Variants in PDZD2 observed in about 807,000 individuals in gnomAD.
PDZD2 encodes the protein PDZ domain containing 2.
PDZD2 carries 90 observed loss-of-function variants against 220.7 expected under a neutral mutation model. The ratio of observed to expected loss-of-function variants is 0.41; its 90% CI spans 0.34 to 0.49. PDZD2 has a LOEUF of 0.49. PDZD2 is among the 20% of genes least tolerant of loss of function. PDZD2 has a pLI of 0.28. For synonymous variants in PDZD2, 1,375 were observed against 1,450.5 expected (o/e 0.95, Z 1.18); for missense variants, 3,174 against 3,608.5 (o/e 0.88, Z 3.08).
chr5:32,028,576 A>G (rs760419141), intron 6 of PDZD2, among the ~76,000 whole-genome samples: 9 of 152,000 alleles, frequency 5.9e-5, no homozygotes, highest in Non-Finnish European at 1.0e-4. Flanking sequence ...TCTCAACTTA[A>G]ATTTCCTTGA....
At position 32,087,675 on chromosome 5, in the gene PDZD2, T is replaced by C. The variant is rs762522067; in HGVS notation, c.4227T>C (p.His1409=). The change falls in exon 20 of 25, where the codon CAT becomes CAC. Residue 1409 remains histidine (H), a synonymous_variant. Transcript: ENST00000438447. The surrounding 1 kb of genome is among the most constrained non-coding windows in gnomAD (Gnocchi z 4.0). The stretch of plus-strand genomic sequence containing the variant: ...ACAACACCAAAGAAGCATGTGGCCA[T>C]GTCTCGGGGCACTGCTGCCCAGGGG... The part of the protein sequence containing the change: ...STDNTKEACG[H]VSGHCCPGGS... 2 of 1,614,060 alleles carry C rather than the reference T, an allele frequency of 1.2e-6. No homozygotes were observed. The highest frequency in any genetic ancestry group is 1.7e-6 in the Non-Finnish European group (2 of 1,180,034).
intron 17 of PDZD2, among the ~76,000 whole-genome samples, chr5:32,072,644 T>G (rs1484927375): frequency 6.6e-6 from 1 of 152,102 alleles, no homozygotes; most frequent in Non-Finnish European, 1.5e-5. Flanking sequence ...GTGGGGAGAA[T>G]TGCTTGAACC....
intron 1 of PDZD2, among the ~76,000 whole-genome samples, chr5:31,737,550 C>T (rs1178184489): frequency 6.6e-6 from 1 of 152,172 alleles, no homozygotes; most frequent in Non-Finnish European, 1.5e-5. Context: ...TGTACATATC[C>T]TCAAGAGATG....
At chr5:31,779,233 A>G (rs1328726108) in intron 1 of PDZD2, among the ~76,000 whole-genome samples, 3 of 152,134 alleles carry the variant, frequency 2.0e-5, no homozygotes, top group Non-Finnish European at 2.9e-5. Context: ...TTGCATCAAC[A>G]TACCACCTGC....
chr5:32,073,364 G>A (rs903574443), intron 17 of PDZD2, among the ~76,000 whole-genome samples: 7 of 152,134 alleles, frequency 4.6e-5, no homozygotes, highest in Admixed American at 6.6e-5. Flanking sequence ...AAGCACTCAC[G>A]TGCCTGTCAA....
In PDZD2 at chr5:31,799,664, G is replaced by A. The variant is rs1029396347; in HGVS notation, c.416G>A (p.Arg139Gln). The A allele has an allele frequency of 1.5e-5, 24 of 1,613,958 alleles. No homozygotes were observed. Among genetic ancestry groups the A allele is most frequent in the African/African-American group, 2.7e-5 (2 of 74,910 alleles). ...PAGKSGKVRLRDEILSLNGQL... is the reference protein window; with the variant it reads ...PAGKSGKVRLQDEILSLNGQL... The stretch of plus-strand genomic sequence containing the variant: ...GGGAAGAGTGGGAAGGTCCGACTGC[G>A]GGATGAGATCCTCTCACTGAATGGG... Residue 139 changes from arginine to glutamine, a missense_variant, in exon 2 of 25, where the codon CGG (arginine) becomes CAG (glutamine). This residue lies in a region of PDZD2 where 632 missense variants were observed against 708.1 expected (regional missense o/e 0.89). Transcript: ENST00000438447.
chr5:31,742,595 C>G (rs1345199945), intron 1 of PDZD2, among the ~76,000 whole-genome samples: 1 of 137,230 alleles, frequency 7.3e-6, no homozygotes, highest in East Asian at 2.4e-4. Flanking sequence ...TGGTCTTGAA[C>G]AGCTGAGGCT....
At chr5:31,666,750 A>G (rs1398551714) in intron 1 of PDZD2, among the ~76,000 whole-genome samples, 6 of 152,216 alleles carry the variant, frequency 3.9e-5, no homozygotes, top group Non-Finnish European at 8.8e-5. Context: ...TGTGAGCGTA[A>G]TGATAAATGC....
Position 32,087,454 on chromosome 5 carries a change from G to C in PDZD2, c.4006G>C (p.Ala1336Pro). Residue 1336 changes from alanine to proline, a missense_variant, in exon 20 of 25, where the codon GCT (alanine) becomes CCT (proline). By Grantham distance (27) the Ala-to-Pro change is conservative. Transcript: ENST00000438447. This position sits in a 1 kb window ranked among gnomAD's most constrained non-coding sequence, Gnocchi z 4.0. ...ACCTGGAGCAGAGGGAATGACACCAGCTGGTGCTGTCCTGCCAGGAGACCC... is the reference window on the plus strand; with the variant it reads ...ACCTGGAGCAGAGGGAATGACACCACCTGGTGCTGTCCTGCCAGGAGACCC... ...AGPGAEGMTP[A>P]GAVLPGDPLT... 6.2e-7 allele frequency: 1 copy of C among 1,614,080 alleles called. No individual in the cohort carries two copies. The highest frequency in any genetic ancestry group is 8.5e-7 in the Non-Finnish European group (1 of 1,179,966).
At chr5:32,003,935 C>G (rs904046761) in intron 5 of PDZD2, among the ~76,000 whole-genome samples, 1 of 152,164 alleles carries the variant, frequency 6.6e-6, no homozygotes, top group South Asian at 2.1e-4. Flanking sequence ...TGGTCTTAAA[C>G]TCCTGACCTC....
intron 2 of PDZD2, chr5:31,923,282 T>G: frequency 1.8e-6 from 1 of 566,144 alleles, no homozygotes. Flanking sequence ...AATAGATAAG[T>G]AAAAATAAAA....
At chr5:31,837,613 A>G (rs553412739) in intron 2 of PDZD2, among the ~76,000 whole-genome samples, 1 of 152,114 alleles carries the variant, frequency 6.6e-6, no homozygotes, top group East Asian at 1.9e-4. Context: ...AATCCGAGCT[A>G]CTCGGGAGGC....
chr5:32,101,203 G>A lies in PDZD2; in HGVS notation c.8317G>A (p.Gly2773Arg), dbSNP rs1744228574. ...GGATGGGGGAAAATCATCGGTGACGGGAGATGGGCCCTTGGTCATTAAAAG... is the reference window on the plus strand; with the variant it reads ...GGATGGGGGAAAATCATCGGTGACGAGAGATGGGCCCTTGGTCATTAAAAG... ...SLDGGKSSVT[G>R]DGPLVIKRVY... Residue 2773 changes from glycine (G) to arginine (R), a missense_variant, in exon 24 of 25, where the codon GGA (glycine) becomes AGA (arginine). Gly to Arg is a moderately radical substitution (Grantham distance 125, BLOSUM62 -2). This residue lies in a region of PDZD2 where 631 missense variants were observed against 789.9 expected (regional missense o/e 0.80). Transcript: ENST00000438447. The A allele has an allele frequency of 6.2e-7, 1 of 1,614,050 alleles. No individual in the cohort carries two copies. Among genetic ancestry groups the A allele is most frequent in the Non-Finnish European group, 8.5e-7 (1 of 1,179,984 alleles).
At chr5:32,058,855 A>T (rs186461352) in intron 12 of PDZD2, among the ~76,000 whole-genome samples, 1 of 152,214 alleles carries the variant, frequency 6.6e-6, no homozygotes, top group Non-Finnish European at 1.5e-5. Context: ...CTCTAGAAAC[A>T]TGATGGAAGA....
Position 31,832,973 on chromosome 5 carries a change from G to A in PDZD2, c.476+33249G>A, listed in dbSNP as rs140550344. On this transcript the variant is annotated intron_variant, in intron 2 of 24. Transcript: ENST00000438447. The stretch of plus-strand genomic sequence containing the variant: ...GGTGTCTTTAAGGAGGTTTTCCCTC[G>A]TTCCACAAGTCCCATGAGCAGGCCT... 6.3e-3 allele frequency among the ~76,000 whole-genome samples: 965 copies of A among 152,190 alleles called. 9 individuals are homozygous for A. The highest frequency in any genetic ancestry group is 8.4e-3 in the Non-Finnish European group (568 of 68,020).
chr5:32,061,277 T>C, intron 14 of PDZD2, 143 bp downstream of exon 14: 1 of 669,112 alleles, frequency 1.5e-6, no homozygotes, highest in Non-Finnish European at 2.6e-6. Flanking sequence ...ATCTCTAATC[T>C]GGACTTTGTC....
chr5:31,734,254 T>TA (rs536028010), intron 1 of PDZD2, among the ~76,000 whole-genome samples: 142 of 152,288 alleles, frequency 9.3e-4, no homozygotes, highest in Admixed American at 1.5e-3. Context: ...TCCACTCTCC[T>TA]AAAAAAACCT....
chr5:32,077,330 G>C (rs1333111957), intron 18 of PDZD2, 132 bp from the exon 19 acceptor site: 2 of 804,570 alleles, frequency 2.5e-6, no homozygotes, highest in Non-Finnish European at 4.1e-6. Context: ...CCACAATCTG[G>C]ATCTGCTGGC....
At chr5:31,849,997 T>C (rs1174623189) in intron 2 of PDZD2, among the ~76,000 whole-genome samples, 5 of 83,946 alleles carry the variant, frequency 6.0e-5, no homozygotes, top group South Asian at 3.8e-4. Context: ...TATATACACA[T>C]ATATATATAT....
Sources: gnomAD v4.1 joint callset for allele counts (sites outside exome capture counted in the v4.1 genomes callset) on GRCh38, gnomAD v4.1.1 for gene constraint, gnomAD v4.1.1 regional missense constraint, Gnocchi (gnomAD v3.1) non-coding constraint, MANE v1.5 for transcripts, NCBI Gene and HGNC (gene_info 2026-07-23, HGNC 2026-07-21) for gene names.